ATP8B4: variants seen among roughly 807,000 people sequenced by gnomAD.
ATP8B4 encodes the protein probable phospholipid-transporting ATPase IM.
In ATP8B4, 133 loss-of-function variants were observed where a neutral mutation model predicts 145.6. The ratio of observed to expected loss-of-function variants is 0.91; its 90% CI spans 0.79 to 1.05. ATP8B4 has a LOEUF of 1.05. ATP8B4 is among the 50% of genes least tolerant of loss of function. The pLI is 0.00. For missense variants in ATP8B4, 1,458 were observed against 1,425.2 expected (o/e 1.02, Z -0.37); for synonymous variants, 507 against 492.9 (o/e 1.03, Z -0.38).
At chr15:50,119,779 T>TTTTTTA, upstream of ATP8B4, among the ~76,000 whole-genome samples, 1 of 111,774 alleles carries the variant, frequency 8.9e-6, no homozygotes, top group Non-Finnish European at 2.0e-5. Context: ...TTTTTTTTTT[T>TTTTTTA]ACAGGGGAAG....
At chr15:50,176,659 A>G (rs2044767584) in intron 1 of ATP8B4, among the ~76,000 whole-genome samples, 1 of 152,212 alleles carries the variant, frequency 6.6e-6, no homozygotes, top group Non-Finnish European at 1.5e-5. Context: ...CTGTTGAAAA[A>G]ATACAAACCA....
At chr15:49,985,702 A>G (rs2046542547) in intron 10 of ATP8B4, among the ~76,000 whole-genome samples, 1 of 152,202 alleles carries the variant, frequency 6.6e-6, no homozygotes, top group Admixed American at 6.5e-5. Flanking sequence ...CAAGGTCCAG[A>G]GAGCAGTAAG....
intron 1 of ATP8B4, among the ~76,000 whole-genome samples, chr15:50,165,977 ACAC>A (rs1567415392): frequency 1.4e-4 from 21 of 149,784 alleles, no homozygotes; most frequent in Non-Finnish European, 2.8e-4. Context: ...GAGAACACAC[ACAC>A]ACACACACAC....
Position 50,064,058 on chromosome 15 carries a change from G to A in ATP8B4, c.87+10069C>T, listed in dbSNP as rs188537728. On this transcript the variant is annotated intron_variant, in intron 3 of 27. Transcript: ENST00000284509. ...AAAGCACAGACAGGACATGGAGTTG[G>A]TTAGAATTCTGTAAAGAGAGTTGAA... Among the ~76,000 whole-genome samples the A allele has an allele frequency of 5.3e-5, 8 of 152,236 alleles. No homozygotes were observed. The East Asian group carries it at 1.5e-3, about 29-fold the overall frequency.
At chr15:49,934,255 G>T in intron 14 of ATP8B4, 73 bp from the exon 15 acceptor site, 3 of 1,473,566 alleles carry the variant, frequency 2.0e-6, no homozygotes, top group Non-Finnish European at 2.7e-6. Context: ...TTCAAAAATA[G>T]TTCCCCCAAG....
chr15:49,954,567 GA>G (rs1327477564), intron 14 of ATP8B4, among the ~76,000 whole-genome samples: 2 of 152,006 alleles, frequency 1.3e-5, no homozygotes, highest in Non-Finnish European at 2.9e-5. Flanking sequence ...CGGCAAACAT[GA>G]AAAAATGCTC....
chr15:50,098,017 T>C (rs146355764), intron 2 of ATP8B4, among the ~76,000 whole-genome samples: 9 of 152,300 alleles, frequency 5.9e-5, no homozygotes, highest in African/African-American at 1.9e-4. Flanking sequence ...ACCAGGTTCA[T>C]TCCTATCACT....
chr15:49,936,904 T>C (rs913646183), intron 14 of ATP8B4, among the ~76,000 whole-genome samples: 51 of 152,084 alleles, frequency 3.4e-4, no homozygotes, highest in African/African-American at 1.2e-3. Context: ...TTCTATTGAA[T>C]GTTTTGGTTT....
intron 1 of ATP8B4, among the ~76,000 whole-genome samples, chr15:50,129,946 C>CAA (rs59921497): frequency 2.5e-4 from 22 of 88,010 alleles, no homozygotes; most frequent in African/African-American, 4.8e-4. Context: ...GACTCTGACT[C>CAA]AAAAAAAAAA....
intron 10 of ATP8B4, among the ~76,000 whole-genome samples, chr15:49,985,296 C>T (rs959459973): frequency 1.3e-5 from 2 of 152,028 alleles, no homozygotes; most frequent in East Asian, 1.9e-4. Context: ...TGGGGTTTCA[C>T]CATGTTAGCC....
At chr15:49,909,069 T>C (rs1244833630) in intron 20 of ATP8B4, among the ~76,000 whole-genome samples, 1 of 151,800 alleles carries the variant, frequency 6.6e-6, no homozygotes, top group African/African-American at 2.4e-5. Context: ...CCAGCACCCA[T>C]ACATACCACT....
intron 9 of ATP8B4, among the ~76,000 whole-genome samples, chr15:49,995,539 C>A (rs866393587): frequency 3.3e-5 from 5 of 152,166 alleles, no homozygotes; most frequent in South Asian, 2.1e-4. Flanking sequence ...GTTATAAAAG[C>A]ACTCATTTAA....
chr15:50,099,507 C>T (rs2056212427), intron 2 of ATP8B4, among the ~76,000 whole-genome samples: 1 of 152,160 alleles, frequency 6.6e-6, no homozygotes, highest in African/African-American at 2.4e-5. Context: ...TCTAAAACTC[C>T]TGACCTCAAG....
chr15:50,050,547 C>A (rs2052096960), intron 3 of ATP8B4, among the ~76,000 whole-genome samples: 1 of 151,362 alleles, frequency 6.6e-6, no homozygotes, highest in Admixed American at 6.6e-5. Flanking sequence ...ATATTCCTCC[C>A]AGCTTTGTGT....
At chr15:50,000,445 TAATG>T (rs138701497) in intron 8 of ATP8B4, among the ~76,000 whole-genome samples, 15,713 of 152,118 alleles carry the variant, frequency 0.1, 1,614 homozygotes, top group African/African-American at 0.27. Flanking sequence ...CCTCAGTAGT[TAATG>T]ATGTTGAGCA....
chr15:50,006,126 T>C lies in ATP8B4; in HGVS notation c.436-3903A>G, dbSNP rs536481326. Among the ~76,000 whole-genome samples, 21 of 152,220 alleles carry C rather than the reference T, an allele frequency of 1.4e-4. No individual in the cohort carries two copies. The South Asian group carries it at 4.4e-3, about 32-fold the overall frequency. ...AAATTTAAATTTCAGGTCCAATAAA[T>C]GCATATTGATTACTAATATGTACGG... On this transcript the variant is annotated intron_variant, in intron 7 of 27. Transcript: ENST00000284509.
At chr15:49,938,036 A>G (rs1479270188) in intron 14 of ATP8B4, among the ~76,000 whole-genome samples, 1 of 152,186 alleles carries the variant, frequency 6.6e-6, no homozygotes, top group Non-Finnish European at 1.5e-5. Flanking sequence ...GGGAAGGAAG[A>G]GAGGTGTCAG....
chr15:49,979,271 C>A (rs1322836648), intron 12 of ATP8B4, among the ~76,000 whole-genome samples: 1 of 152,036 alleles, frequency 6.6e-6, no homozygotes, highest in African/African-American at 2.4e-5. Context: ...CAAAGAGGCA[C>A]CCTCTCTATA....
chr15:50,069,999 CA>C (rs2053623850), intron 3 of ATP8B4, among the ~76,000 whole-genome samples: 1 of 152,126 alleles, frequency 6.6e-6, no homozygotes, highest in Non-Finnish European at 1.5e-5. Context: ...AATGGCTTAA[CA>C]TTTCCATATA....
Sources: gnomAD v4.1 joint callset for allele counts (sites outside exome capture counted in the v4.1 genomes callset) on GRCh38, gnomAD v4.1.1 for gene constraint, MANE v1.5 for transcripts, NCBI Gene and HGNC (gene_info 2026-07-23, HGNC 2026-07-21) for gene names.